The following F13B variants were observed in gnomAD, a reference collection of about 807,000 sequenced individuals.
F13B encodes the protein coagulation factor XIII B chain.
A neutral mutation model predicts 79.8 loss-of-function variants in F13B; 58 were observed. The ratio of observed to expected loss-of-function variants is 0.73; its 90% CI spans 0.59 to 0.90. The LOEUF (loss-of-function observed/expected upper bound fraction) is 0.90. F13B is among the 40% of genes least tolerant of loss of function. The pLI is 0.00. For missense variants in F13B, 773 were observed against 777.0 expected, an observed-to-expected ratio of 0.99 and a Z score of 0.06; for synonymous variants, 283 against 260.3, an observed-to-expected ratio of 1.09 and a Z score of -0.84.
rs999273393 is a variant in F13B, at chr1:197,060,396, C to A, written c.775G>T (p.Gly259Cys). 11 of 1,612,300 alleles carry A rather than the reference C, an allele frequency of 6.8e-6. No individual in the cohort carries two copies. The highest frequency in any genetic ancestry group is 2.7e-5 in the African/African-American group (2 of 74,936). Residue 259 changes from glycine to cysteine, a missense_variant, in exon 5 of 12, where the codon GGT (glycine) becomes TGT (cysteine). Coordinates refer to ENST00000367412, the MANE Select transcript of F13B (RefSeq NM_001994.3). ...GSDLIQCYNF[G>C]WYPESPVCEG... Reference sequence around the variant, plus strand: ...CATACAGGAGATTCTGGGTACCAACCAAAGTTATAGCATTGAATTAAATCA... The same window carrying A: ...CATACAGGAGATTCTGGGTACCAACAAAAGTTATAGCATTGAATTAAATCA...
chr1:197,048,212 A>C (rs1205083610), intron 10 of F13B, among the ~76,000 whole-genome samples: 2 of 151,736 alleles, frequency 1.3e-5, no homozygotes, highest in African/African-American at 4.8e-5. Context: ...GACCAATGGG[A>C]TATACATGGA....
At chr1:197,047,190 C>A (rs1463835116) in intron 10 of F13B, among the ~76,000 whole-genome samples, 1 of 152,120 alleles carries the variant, frequency 6.6e-6, no homozygotes, top group Admixed American at 6.6e-5. Context: ...AGCTTCTGCA[C>A]AGCAAAAGAA....
At chr1:197,057,497 C>A in intron 5 of F13B, 32 bp from the exon 6 acceptor site, 1 of 1,592,566 alleles carries the variant, frequency 6.3e-7, no homozygotes, top group South Asian at 1.1e-5. Flanking sequence ...CACCTTTAGT[C>A]ATATAATTAC....
intron 10 of F13B, among the ~76,000 whole-genome samples, chr1:197,045,405 T>C (rs1010202037): frequency 6.6e-6 from 1 of 151,820 alleles, no homozygotes; most frequent in African/African-American, 2.4e-5. Context: ...AACTAGAAAA[T>C]CTAGAAGAAA....
At chr1:197,047,856 T>C (rs762189631) in intron 10 of F13B, among the ~76,000 whole-genome samples, 1 of 152,148 alleles carries the variant, frequency 6.6e-6, no homozygotes, top group Non-Finnish European at 1.5e-5. Flanking sequence ...TGGATGAAGC[T>C]GGAAGCCATC....
At position 197,055,727 on chromosome 1, in the gene F13B, G is replaced by A; in HGVS notation, c.1342C>T (p.Pro448Ser). Reference protein sequence around the residue: ...RCEQGKWSSPPVCLEPCTVNV... With the variant: ...RCEQGKWSSPSVCLEPCTVNV... ...TTCTCTTTCTTACCCAAGCAAACAG[G>A]TGGGGATGACCATTTTCCTTGTTCG... Residue 448 changes from proline (P) to serine (S), a missense_variant, in exon 8 of 12, where the codon CCT (proline) becomes TCT (serine). Pro to Ser is a moderately conservative substitution (Grantham distance 74, BLOSUM62 -1). Transcript: ENST00000367412. 1 of 1,613,330 alleles carries A rather than the reference G, an allele frequency of 6.2e-7. No individual in the cohort carries two copies. The highest frequency in any genetic ancestry group is 8.5e-7 in the Non-Finnish European group (1 of 1,179,614).
Position 197,061,074 on chromosome 1 carries a change from T to C in F13B, c.453A>G (p.Glu151=), listed in dbSNP as rs777485140. Reference sequence around the variant, plus strand: ...TATATAATTCAGGAGCCAAACATGTTTCTAAAATTATAAAAATTATTTATT... The same window carrying C: ...TATATAATTCAGGAGCCAAACATGTCTCTAAAATTATAAAAATTATTTATT... ...SSQPTCRKEH[E]TCLAPELYNG... Residue 151 remains glutamate, a splice_region_variant and synonymous_variant, in exon 4 of 12, where the codon GAA becomes GAG. Coordinates refer to ENST00000367412, the MANE Select transcript of F13B (RefSeq NM_001994.3). 7.2e-7 allele frequency: 1 copy of C among 1,379,872 alleles called. No individual in the cohort carries two copies. Among genetic ancestry groups the C allele is most frequent in the Non-Finnish European group, 1.0e-6 (1 of 1,003,988 alleles). 85.5% of individuals were successfully genotyped at this position (1,379,872 alleles called of 1,614,324 possible). A position where few individuals can be genotyped will look rare whatever the true frequency, so the allele number is the denominator to read the frequency against.
In F13B at chr1:197,061,805, G is replaced by A. The variant is rs933807590; in HGVS notation, c.430C>T (p.Pro144Ser). Reference sequence around the variant, plus strand: ...ATACCATGTTCTTTCCTACAGGTTGGTTGAGAAGACCATCCATCAGAGAGA... The same window carrying A: ...ATACCATGTTCTTTCCTACAGGTTGATTGAGAAGACCATCCATCAGAGAGA... ...QCLSDGWSSQ[P>S]TCRKEHETCL... is the part of the protein sequence containing the mutation. Residue 144 changes from proline to serine, a missense_variant, in exon 3 of 12, where the codon CCA (proline) becomes TCA (serine). Coordinates refer to ENST00000367412, the MANE Select transcript of F13B (RefSeq NM_001994.3). 1 of 1,612,970 alleles carries A rather than the reference G, an allele frequency of 6.2e-7. No homozygotes were observed. Among genetic ancestry groups the A allele is most frequent in the Non-Finnish European group, 8.5e-7 (1 of 1,179,444 alleles).
intron 1 of F13B, among the ~76,000 whole-genome samples, chr1:197,065,197 G>T (rs1186114763): frequency 6.6e-6 from 1 of 152,154 alleles, no homozygotes; most frequent in Non-Finnish European, 1.5e-5. Flanking sequence ...TTGTCAGGGA[G>T]GGGCAGCAAA....
At chr1:197,059,511 AG>A (rs1655767323) in intron 5 of F13B, among the ~76,000 whole-genome samples, 3 of 152,200 alleles carry the variant, frequency 2.0e-5, no homozygotes, top group African/African-American at 7.2e-5. Context: ...CCCATATTAC[AG>A]AAAATAAAAA....
intron 9 of F13B, 129 bp from the exon 10 acceptor site, chr1:197,051,008 T>C: frequency 1.4e-6 from 1 of 736,890 alleles, no homozygotes; most frequent in Non-Finnish European, 2.3e-6. Flanking sequence ...CATGACTCAC[T>C]GCAACCTCTG....
chr1:197,041,666 C>T (rs1276000623), intron 10 of F13B, among the ~76,000 whole-genome samples: 1 of 152,070 alleles, frequency 6.6e-6, no homozygotes, highest in African/African-American at 2.4e-5. Flanking sequence ...TGCCTGAAAC[C>T]GCAGATAATG....
rs750209010 is a variant in F13B, at chr1:197,061,941, A to G, written c.294T>C (p.Asn98=). The change falls in exon 3 of 12, where the codon AAT becomes AAC. Residue 98 remains asparagine (N), a synonymous_variant. Transcript: ENST00000367412. ...FKKCTKPDLS[N]GYISDVKLLY... is the part of the protein sequence containing the mutation. ...ATAACTTTACATCAGAGATGTAACC[A>G]TTACTCAGGTCAGGCTTAGTGCATT... 11 of 1,612,528 alleles carry G rather than the reference A, an allele frequency of 6.8e-6. No individual in the cohort carries two copies. The highest frequency in any genetic ancestry group is 9.3e-6 in the Non-Finnish European group (11 of 1,179,018).
intron 10 of F13B, among the ~76,000 whole-genome samples, chr1:197,042,405 G>T (rs17549465): frequency 5.9e-5 from 9 of 152,148 alleles, no homozygotes; most frequent in Non-Finnish European, 1.3e-4. Flanking sequence ...TATCAAACCA[G>T]CACTTCTATT....
intron 6 of F13B, 38 bp downstream of exon 6, chr1:197,057,248 A>G (rs1322325985): frequency 1.2e-6 from 2 of 1,613,900 alleles, no homozygotes; most frequent in Non-Finnish European, 1.7e-6. Flanking sequence ...ACACATGCAG[A>G]TTTCATTTTA....
In F13B at chr1:197,048,006, G is replaced by C. The variant is rs368522016; in HGVS notation, c.1738+2691C>G. Among the ~76,000 whole-genome samples, 3 of 152,040 alleles carry C rather than the reference G, an allele frequency of 2.0e-5. 1 individual carries two copies. The highest frequency in any genetic ancestry group is 7.2e-5 in the African/African-American group (3 of 41,400). On this transcript the variant is annotated intron_variant, in intron 10 of 11. Coordinates refer to ENST00000367412, the MANE Select transcript of F13B (RefSeq NM_001994.3). Reference sequence around the variant, plus strand: ...GGCCTGTCTGTGGGGGTCTGGGGGAGGGATAGCTTTAGGAGAAATACCTAA... The same window carrying C: ...GGCCTGTCTGTGGGGGTCTGGGGGACGGATAGCTTTAGGAGAAATACCTAA...
intron 10 of F13B, among the ~76,000 whole-genome samples, chr1:197,048,782 T>C (rs2125060604): frequency 6.6e-6 from 1 of 151,740 alleles, no homozygotes; most frequent in South Asian, 2.1e-4. Flanking sequence ...TCAATCCAAT[T>C]CACATATATA....
intron 7 of F13B, among the ~76,000 whole-genome samples, chr1:197,056,654 C>T (rs577231106): frequency 8.5e-5 from 13 of 152,234 alleles, no homozygotes; most frequent in Middle Eastern, 3.4e-3. Context: ...GCTCATGGCC[C>T]GTCACTCAAT....
chr1:197,048,312 A>G (rs1655309374), intron 10 of F13B, among the ~76,000 whole-genome samples: 1 of 151,916 alleles, frequency 6.6e-6, no homozygotes, highest in African/African-American at 2.4e-5. Context: ...ATGTAAATAG[A>G]CTATTCCATT....
Sources: gnomAD v4.1 joint callset for allele counts (sites outside exome capture counted in the v4.1 genomes callset) on GRCh38, gnomAD v4.1.1 for gene constraint, MANE v1.5 for transcripts, NCBI Gene and HGNC (gene_info 2026-07-23, HGNC 2026-07-21) for gene names.